ARHGEF25: variants seen among roughly 807,000 people sequenced by gnomAD.
The protein encoded by ARHGEF25 is RAC/CDC42 exchange factor.
In ARHGEF25, 42 loss-of-function variants were observed where a neutral mutation model predicts 74.0. That is an observed-to-expected ratio of 0.57 (90% CI 0.44 to 0.73). The LOEUF (loss-of-function observed/expected upper bound fraction) is 0.73, where lower values mean the gene tolerates loss of function less well. ARHGEF25 is among the 30% of genes least tolerant of loss of function. The pLI is 0.00. For missense variants in ARHGEF25, 645 were observed against 725.5 expected, an observed-to-expected ratio of 0.89 and a Z score of 1.27; for synonymous variants, 293 against 278.6, an observed-to-expected ratio of 1.05 and a Z score of -0.51.
chr12:57,612,628 A>G, intron 1 of ARHGEF25: 2 of 1,023,748 alleles, frequency 2.0e-6, no homozygotes, highest in Non-Finnish European at 2.5e-6. Context: ...CCAGCTTCCA[A>G]TGTCTGCCCA....
At position 57,615,253 on chromosome 12, in the gene ARHGEF25, T is replaced by C; in HGVS notation, c.977T>C (p.Met326Thr). The change falls in exon 11 of 15, where the codon ATG becomes ACG. Residue 326 changes from methionine (M) to threonine (T), a missense_variant. Met to Thr is a moderately conservative substitution (Grantham distance 81). Around this residue, in one of 3 missense-constraint regions of ARHGEF25, gnomAD observed 194 missense variants for 269.4 expected, o/e 0.72. Coordinates refer to ENST00000286494, the MANE Select transcript of ARHGEF25 (RefSeq NM_182947.4). The part of the protein sequence containing the change: ...TADLEQAVEV[M>T]CFVPKRCNDM... The stretch of plus-strand genomic sequence containing the variant: ...GTGTCCCAGCAAGCTGTGGAGGTCA[T>C]GTGCTTTGTGCCCAAGCGCTGCAAC... 2.5e-6 allele frequency: 4 copies of C among 1,605,430 alleles called. No individual in the cohort carries two copies. The highest frequency in any genetic ancestry group is 2.6e-6 in the Non-Finnish European group (3 of 1,176,062).
At position 57,616,907 on chromosome 12, in the gene ARHGEF25, A is replaced by T; in HGVS notation, c.*13A>T. 1 of 1,605,216 alleles carries T rather than the reference A, an allele frequency of 6.2e-7. No homozygotes were observed. On this transcript the variant is annotated 3_prime_UTR_variant, in exon 15 of 15. Coordinates refer to ENST00000286494, the MANE Select transcript of ARHGEF25 (RefSeq NM_182947.4). ...AGATGAGCTGTAACTGGTGAAAACC[A>T]TGGGGGTGGTGCTGACTCAGCCGCC...
intron 4 of ARHGEF25, 61 bp downstream of exon 4, chr12:57,613,577 T>G (rs779440772): frequency 7.4e-5 from 119 of 1,612,344 alleles, no homozygotes; most frequent in Non-Finnish European, 9.8e-5. Context: ...CCCTCACATT[T>G]TAGATGGAAT....
At position 57,613,784 on chromosome 12, in the gene ARHGEF25, G is replaced by A. The variant is rs750239074; in HGVS notation, c.552+24G>A. On this transcript the variant is annotated intron_variant, in intron 5 of 14. Transcript: ENST00000286494. ...AGGTAGCTCCCTTTACCCCTTCCCA[G>A]CCCCTCCTGCCTGCTTTTCCATCTG... 2.5e-6 allele frequency: 4 copies of A among 1,611,724 alleles called. No homozygotes were observed. In the South Asian group the frequency reaches 4.4e-5, roughly 18 times the overall value.
intron 1 of ARHGEF25, 150 bp downstream of exon 1, chr12:57,612,141 C>A: frequency 1.9e-6 from 1 of 514,702 alleles, no homozygotes; most frequent in Non-Finnish European, 3.0e-6. Context: ...AAGGTCCCTT[C>A]TGCCTCCAAA....
chr12:57,612,619 C>G (rs1884100450), intron 1 of ARHGEF25: 1 of 932,196 alleles, frequency 1.1e-6, no homozygotes. Flanking sequence ...TGGCCACCCC[C>G]AGCTTCCAAT....
intron 13 of ARHGEF25, 88 bp from the exon 14 acceptor site, chr12:57,616,196 G>A: frequency 2.0e-6 from 3 of 1,480,444 alleles, no homozygotes; most frequent in Non-Finnish European, 2.7e-6. Flanking sequence ...CTGACAGGGA[G>A]GGAGGGCAAA....
intron 1 of ARHGEF25, 183 bp from the exon 2 acceptor site, chr12:57,612,747 T>C: frequency 6.8e-7 from 1 of 1,473,898 alleles, no homozygotes; most frequent in Non-Finnish European, 8.9e-7. Context: ...TTACTGTGCT[T>C]TCTCCCAGGG....
chr12:57,611,766 C>T lies in ARHGEF25; in HGVS notation c.-129C>T. 2.6e-6 allele frequency: 3 copies of T among 1,144,392 alleles called. No individual in the cohort carries two copies. The highest frequency in any genetic ancestry group is 3.3e-6 in the Non-Finnish European group (3 of 914,616). The allele number at this position is 1,144,392 out of a possible 1,614,324, so 70.9% of individuals were successfully genotyped here. On this transcript the variant is annotated 5_prime_UTR_variant, in exon 1 of 15. Coordinates refer to ENST00000286494, the MANE Select transcript of ARHGEF25 (RefSeq NM_182947.4). This position sits in a 1 kb window ranked among gnomAD's most constrained non-coding sequence, Gnocchi z 4.5. The stretch of plus-strand genomic sequence containing the variant: ...CACCTCCTCCCGGTCCCCTCCCTCC[C>T]CCCCTCCCACAGCCTGGACCGGGGT...
Position 57,614,519 on chromosome 12 carries a change from C to T in ARHGEF25, c.730C>T (p.Arg244Cys), listed in dbSNP as rs1278195704. The T allele has an allele frequency of 1.9e-6, 3 of 1,613,962 alleles. No individual in the cohort carries two copies. Among genetic ancestry groups the T allele is most frequent in the Non-Finnish European group, 2.5e-6 (3 of 1,180,044 alleles). Residue 244 changes from arginine (R) to cysteine (C), a missense_variant, in exon 8 of 15, where the codon CGC (arginine) becomes TGC (cysteine). Physicochemically the swap from Arg to Cys is radical, Grantham distance 180. Transcript: ENST00000286494. The surrounding 1 kb of genome is among the most constrained non-coding windows in gnomAD (Gnocchi z 4.6). ...WLAQLFIKHE[R>C]RLHMYVVYCQ... ...TCTTAAACATTACCCCTGTTAGGAG[C>T]GCCGGCTGCATATGTATGTGGTGTA...
At chr12:57,615,482 T>C (rs1232638497) in intron 11 of ARHGEF25, 30 bp from the exon 12 acceptor site, 1 of 1,613,500 alleles carries the variant, frequency 6.2e-7, no homozygotes, top group South Asian at 1.1e-5. Flanking sequence ...TCTTGTTCTT[T>C]TTCCAAGGCC....
upstream of ARHGEF25, chr12:57,610,334 G>T: frequency 6.9e-7 from 1 of 1,447,732 alleles, no homozygotes; most frequent in Non-Finnish European, 9.2e-7. Flanking sequence ...GGGGGCTCGC[G>T]GTGGGGTCGG....
Position 57,615,948 on chromosome 12 carries a change from C to A in ARHGEF25, c.1351C>A (p.Pro451Thr). 1 of 1,614,152 alleles carries A rather than the reference C, an allele frequency of 6.2e-7. No homozygotes were observed. The highest frequency in any genetic ancestry group is 8.5e-7 in the Non-Finnish European group (1 of 1,180,012). The part of the protein sequence containing the change: ...IQRYVLQAAD[P>T]AISQAWIKHV... ...GCGCTATGTCCTGCAGGCTGCAGACCCTGCTATCAGTCAGGCCTGGATCAA... is the reference window on the plus strand; with the variant it reads ...GCGCTATGTCCTGCAGGCTGCAGACACTGCTATCAGTCAGGCCTGGATCAA... The change falls in exon 13 of 15, where the codon CCT (proline) becomes ACT (threonine). Residue 451 changes from proline (P) to threonine (T), a missense_variant. Physicochemically the swap from Pro to Thr is conservative, Grantham distance 38. Transcript: ENST00000286494.
rs116792227 is a variant in ARHGEF25 at position 57,614,703 on chromosome 12, G to A, written c.831G>A (p.Gln277=). Residue 277 remains glutamine, a synonymous_variant, in exon 9 of 15, where the codon CAG becomes CAA. Coordinates refer to ENST00000286494, the MANE Select transcript of ARHGEF25 (RefSeq NM_182947.4). This position sits in a 1 kb window ranked among gnomAD's most constrained non-coding sequence, Gnocchi z 4.6. ...CCTGTCCCCAGGAGCTCCGGCAGCAGCTGGGGCACCGCCTGCAGCTGAACG... is the reference window on the plus strand; with the variant it reads ...CCTGTCCCCAGGAGCTCCGGCAGCAACTGGGGCACCGCCTGCAGCTGAACG... The part of the protein sequence containing the change: ...GDSYFEELRQ[Q]LGHRLQLNDL... The A allele has an allele frequency of 2.5e-6, 4 of 1,613,622 alleles. No individual in the cohort carries two copies. The highest frequency in any genetic ancestry group is 3.4e-6 in the Non-Finnish European group (4 of 1,179,886).
rs1376473385 is a variant in ARHGEF25, at chr12:57,611,739, G to C, written c.-156G>C. ...AAGACTAGACTTCCGCCTACCCCTGGACACCTCCTCCCGGTCCCCTCCCTC... is the reference window on the plus strand; with the variant it reads ...AAGACTAGACTTCCGCCTACCCCTGCACACCTCCTCCCGGTCCCCTCCCTC... On this transcript the variant is annotated 5_prime_UTR_variant, in exon 1 of 15. Coordinates refer to ENST00000286494, the MANE Select transcript of ARHGEF25 (RefSeq NM_182947.4). This position sits in a 1 kb window ranked among gnomAD's most constrained non-coding sequence, Gnocchi z 4.5. 4.2e-6 allele frequency: 5 copies of C among 1,192,766 alleles called. No individual in the cohort carries two copies. The highest frequency in any genetic ancestry group is 1.6e-5 in the African/African-American group (1 of 62,848). The allele number at this position is 1,192,766 out of a possible 1,614,324, so 73.9% of individuals were successfully genotyped here.
At chr12:57,613,809 G>C in intron 5 of ARHGEF25, 49 bp downstream of exon 5, 1 of 1,602,164 alleles carries the variant, frequency 6.2e-7, no homozygotes, top group Non-Finnish European at 8.5e-7. Context: ...TTTTCCATCT[G>C]CCCAGGGCTA....
chr12:57,611,817 G>C lies in ARHGEF25; in HGVS notation c.-78G>C. 1 of 1,175,270 alleles carries C rather than the reference G, an allele frequency of 8.5e-7. No individual in the cohort carries two copies. The highest frequency in any genetic ancestry group is 3.3e-5 in the East Asian group (1 of 30,674). 72.8% of individuals were successfully genotyped at this position (1,175,270 alleles called of 1,614,324 possible). On this transcript the variant is annotated 5_prime_UTR_variant, in exon 1 of 15. Transcript: ENST00000286494. The surrounding 1 kb of genome is among the most constrained non-coding windows in gnomAD (Gnocchi z 4.5). Reference sequence around the variant, plus strand: ...AGGAGGGAGGGGGGGTGTGCGCCCGGCGCCGTCCCCGCCCCGCCCCCCGTG... The same window carrying C: ...AGGAGGGAGGGGGGGTGTGCGCCCGCCGCCGTCCCCGCCCCGCCCCCCGTG...
intron 10 of ARHGEF25, 66 bp downstream of exon 10, chr12:57,615,083 C>A (rs551828735): frequency 6.2e-7 from 1 of 1,600,374 alleles, no homozygotes; most frequent in South Asian, 1.1e-5. Flanking sequence ...TCATGGGTTC[C>A]CCCAGCCCCT....
intron 12 of ARHGEF25, 58 bp from the exon 13 acceptor site, chr12:57,615,779 C>T (rs940301411): frequency 1.9e-6 from 3 of 1,612,666 alleles, no homozygotes; most frequent in East Asian, 2.2e-5. Flanking sequence ...GAGGATGTCT[C>T]AGAGGAGCCA....
Sources: allele counts gnomAD v4.1 joint callset, GRCh38; gene constraint gnomAD v4.1.1; regional missense constraint gnomAD v4.1.1; non-coding constraint Gnocchi (gnomAD v3.1); transcripts MANE v1.5; gene names NCBI Gene and HGNC (gene_info 2026-07-23, HGNC 2026-07-21).